The following PSIP1 variants were observed in gnomAD, a reference collection of about 807,000 sequenced individuals.
The protein encoded by PSIP1 is PC4 and SFRS1-interacting protein.
Under a neutral mutation model 74.7 loss-of-function variants are expected in PSIP1, and 19 were observed. That is an observed-to-expected ratio of 0.25 (90% confidence interval 0.18 to 0.37). The LOEUF (loss-of-function observed/expected upper bound fraction) is 0.37. Ranked by LOEUF, PSIP1 falls within the 10% of genes least tolerant of loss-of-function variation. PSIP1 has a pLI of 1.00. For synonymous variants in PSIP1, 222 were observed against 195.3 expected (o/e 1.14, Z -1.14); for missense variants, 601 against 614.3 (o/e 0.98, Z 0.23).
At chr9:15,507,048 C>T (rs993371608) in intron 2 of PSIP1, among the ~76,000 whole-genome samples, 2 of 152,070 alleles carry the variant, frequency 1.3e-5, no homozygotes, top group African/African-American at 4.8e-5. Context: ...ATTTGACAAC[C>T]CTAAATGTTA....
chr9:15,508,254 C>CT (rs2037691119), intron 2 of PSIP1, among the ~76,000 whole-genome samples: 1 of 152,040 alleles, frequency 6.6e-6, no homozygotes, highest in African/African-American at 2.4e-5. Flanking sequence ...AATATGGACT[C>CT]TAAACTCTAC....
intron 8 of PSIP1, 58 bp from the exon 9 acceptor site, chr9:15,474,295 T>A: frequency 7.1e-7 from 1 of 1,402,480 alleles, no homozygotes; most frequent in Non-Finnish European, 9.7e-7. Flanking sequence ...GTATTTTAGA[T>A]ATCAGTAAGC....
chr9:15,494,885 T>A (rs2037004605), intron 3 of PSIP1, among the ~76,000 whole-genome samples: 1 of 152,186 alleles, frequency 6.6e-6, no homozygotes, highest in Non-Finnish European at 1.5e-5. Context: ...AACATTCCTC[T>A]TATGTAACAG....
At chr9:15,503,795 G>C (rs889508638) in intron 3 of PSIP1, among the ~76,000 whole-genome samples, 1 of 152,080 alleles carries the variant, frequency 6.6e-6, no homozygotes, top group African/African-American at 2.4e-5. Context: ...TGCCCAGGCT[G>C]GAGTGCAATG....
chr9:15,506,518 G>T, intron 3 of PSIP1, 43 bp downstream of exon 3: 1 of 1,409,006 alleles, frequency 7.1e-7, no homozygotes. Flanking sequence ...TAATAACCCT[G>T]TTAAATTAGC....
intron 6 of PSIP1, among the ~76,000 whole-genome samples, chr9:15,483,844 T>C (rs1445863054): frequency 1.3e-5 from 2 of 152,058 alleles, no homozygotes. Context: ...ATACAAAAAA[T>C]TAGCTGGGTA....
intron 7 of PSIP1, among the ~76,000 whole-genome samples, chr9:15,478,885 A>T (rs1321833601): frequency 6.6e-6 from 1 of 152,084 alleles, no homozygotes; most frequent in African/African-American, 2.4e-5. Flanking sequence ...ATATTCATAT[A>T]CATATTATAT....
In PSIP1 at chr9:15,464,521, AACTAGTGTTTGTATTT is replaced by A. The variant is rs1314171850; in HGVS notation, c.*983_*998del. ...ACTTATCAAAGTACAATGCTGGAAC[AACTAGTGTTTGTATTT>A]TTGGAATCTAGAAAATAAAAACAAT... On this transcript the variant is annotated 3_prime_UTR_variant, in exon 16 of 16. Coordinates refer to ENST00000380733, the MANE Select transcript of PSIP1 (RefSeq NM_033222.5). The A allele has an allele frequency of 1.5e-5, 3 of 201,124 alleles. No homozygotes were observed. The highest frequency in any genetic ancestry group is 3.1e-5 in the Non-Finnish European group (3 of 97,934). 12.5% of individuals were successfully genotyped at this position (201,124 alleles called of 1,614,324 possible).
intron 4 of PSIP1, chr9:15,489,309 T>C (rs1020175454): frequency 1.3e-5 from 2 of 152,124 alleles, no homozygotes; most frequent in African/African-American, 4.8e-5. Flanking sequence ...TACAATTCTA[T>C]GGATTTAGAA....
intron 2 of PSIP1, 95 bp from the exon 3 acceptor site, chr9:15,506,732 G>C (rs971687515): frequency 1.3e-5 from 12 of 946,920 alleles, no homozygotes; most frequent in Non-Finnish European, 1.9e-5. Flanking sequence ...AAAGGGTTCT[G>C]TTATAAAATG....
At chr9:15,501,089 A>T (rs938542026) in intron 3 of PSIP1, among the ~76,000 whole-genome samples, 9 of 152,200 alleles carry the variant, frequency 5.9e-5, no homozygotes, top group African/African-American at 2.2e-4. Flanking sequence ...AGATAATATT[A>T]TCCCCACTTT....
intron 10 of PSIP1, among the ~76,000 whole-genome samples, chr9:15,470,454 A>G (rs1433067689): frequency 6.6e-6 from 1 of 152,100 alleles, no homozygotes; most frequent in East Asian, 1.9e-4. Context: ...TGGCCAATTC[A>G]TCAAACTTGA....
chr9:15,510,395 GAGGGGAACCGGC>G, intron 1 of PSIP1, 66 bp from the exon 2 acceptor site: 1 of 325,940 alleles, frequency 3.1e-6, no homozygotes, highest in Non-Finnish European at 5.7e-6. Flanking sequence ...AGGGGAGGGG[GAGGGGAACCGGC>G]GGGTGGGGGT....
At chr9:15,506,814 C>G (rs893367084) in intron 2 of PSIP1, among the ~76,000 whole-genome samples, 177 bp from the exon 3 acceptor site, 7 of 152,194 alleles carry the variant, frequency 4.6e-5, no homozygotes, top group African/African-American at 1.7e-4. Flanking sequence ...ACCAAAATTT[C>G]TGTCAAAACT....
At chr9:15,468,125 A>T (rs1182652264) in intron 14 of PSIP1, among the ~76,000 whole-genome samples, 37 of 13,558 alleles carry the variant, frequency 2.7e-3, no homozygotes, top group Admixed American at 0.019. Context: ...CCATCTTTTA[A>T]AAAAAAAAAA....
rs184723682 is a variant in PSIP1 at position 15,491,779 on chromosome 9, T to C, written c.150-1655A>G. Among the ~76,000 whole-genome samples, 5 of 152,346 alleles carry C rather than the reference T, an allele frequency of 3.3e-5. No homozygotes were observed. In the East Asian group the frequency reaches 7.7e-4, roughly 23 times the overall value. On this transcript the variant is annotated intron_variant, in intron 3 of 15. Coordinates refer to ENST00000380733, the MANE Select transcript of PSIP1 (RefSeq NM_033222.5). ...TAATTTATAAAGAAAAGAAGTTTAA[T>C]TGACTCACAGTTCCACACGGCTGGG...
chr9:15,487,867 T>A (rs140930568), intron 4 of PSIP1, among the ~76,000 whole-genome samples: 163 of 152,320 alleles, frequency 1.1e-3, no homozygotes, highest in African/African-American at 3.7e-3. Context: ...ATGATATGGT[T>A]CGATGAATCC....
At position 15,469,313 on chromosome 9, in the gene PSIP1, G is replaced by T; in HGVS notation, c.1057C>A (p.Gln353Lys). ...KRETSMDSRL[Q>K]RIHAEIKNSL... ...TTTTTAATCTCAGCATGTATCCTTT[G>T]AAGTCGAGAATCCATTGATGTTTCT... is the stretch of plus-strand genomic sequence containing the variant. Residue 353 changes from glutamine (Q) to lysine (K), a missense_variant, in exon 12 of 16, where the codon CAA becomes AAA. Gln to Lys is a moderately conservative substitution (Grantham distance 53). Coordinates refer to ENST00000380733, the MANE Select transcript of PSIP1 (RefSeq NM_033222.5). The T allele has an allele frequency of 6.4e-7, 1 of 1,571,818 alleles. No homozygotes were observed. Among genetic ancestry groups the T allele is most frequent in the Non-Finnish European group, 8.6e-7 (1 of 1,157,046 alleles).
In PSIP1 at chr9:15,505,586, A is replaced by C. The variant is rs1422622714; in HGVS notation, c.149+975T>G. 2.0e-5 allele frequency: 3 copies of C among 152,354 alleles called. No individual in the cohort carries two copies. In the South Asian group the frequency reaches 6.2e-4, roughly 32 times the overall value. The allele number at this position is 152,354 out of a possible 1,614,324, so 9.4% of individuals were successfully genotyped here. On this transcript the variant is annotated intron_variant, in intron 3 of 15. Coordinates refer to ENST00000380733, the MANE Select transcript of PSIP1 (RefSeq NM_033222.5). ...GTCCAGAACTGGTAAGTCTATACAG[A>C]CAGTAGACTAGTGGTTGTTTACGGT...
Sources: gnomAD v4.1 joint callset for allele counts (sites outside exome capture counted in the v4.1 genomes callset) on GRCh38, gnomAD v4.1.1 for gene constraint, MANE v1.5 for transcripts, NCBI Gene and HGNC (gene_info 2026-07-23, HGNC 2026-07-21) for gene names.